Variants in PLEKHG1 observed in about 807,000 individuals in gnomAD.
PLEKHG1 encodes pleckstrin homology domain-containing family G member 1.
In PLEKHG1, 44 loss-of-function variants were observed where a neutral mutation model predicts 100.8. The ratio of observed to expected loss-of-function variants is 0.44; its 90% CI spans 0.34 to 0.56. The LOEUF (loss-of-function observed/expected upper bound fraction) is 0.56, where lower values mean the gene tolerates loss of function less well. Ranked by LOEUF, PLEKHG1 falls within the 20% of genes least tolerant of loss-of-function variation. The pLI, the probability that PLEKHG1 is intolerant of heterozygous loss-of-function variation, is 0.01. For synonymous variants in PLEKHG1, 640 were observed against 662.5 expected (o/e 0.97, Z 0.52); for missense variants, 1,545 against 1,720.9 (o/e 0.90, Z 1.81).
At chr6:150,779,020 G>A (rs1040323117) in intron 3 of PLEKHG1, among the ~76,000 whole-genome samples, 2 of 152,170 alleles carry the variant, frequency 1.3e-5, no homozygotes, top group African/African-American at 4.8e-5. Flanking sequence ...GAGAGTGCAG[G>A]ACTGGGATTC....
At chr6:150,764,580 G>A (rs534921481) in intron 2 of PLEKHG1, among the ~76,000 whole-genome samples, 3 of 152,300 alleles carry the variant, frequency 2.0e-5, no homozygotes, top group East Asian at 3.9e-4. Context: ...GTGTTTAGGC[G>A]CACGCCCTGC....
intron 7 of PLEKHG1, among the ~76,000 whole-genome samples, chr6:150,805,217 G>T (rs1247892231): frequency 6.6e-6 from 1 of 152,194 alleles, no homozygotes; most frequent in Non-Finnish European, 1.5e-5. Context: ...TTACAGGCAT[G>T]AGCCACCACA....
At chr6:150,820,231 A>T (rs898831715) in intron 12 of PLEKHG1, among the ~76,000 whole-genome samples, 2 of 151,852 alleles carry the variant, frequency 1.3e-5, no homozygotes, top group Admixed American at 6.6e-5. Context: ...CCTCTTTTCT[A>T]CTTAATGTTT....
At chr6:150,654,861 CA>C (rs1329094184) in intron 3 of PLEKHG1, among the ~76,000 whole-genome samples, 1 of 152,314 alleles carries the variant, frequency 6.6e-6, no homozygotes, top group Middle Eastern at 3.4e-3. Flanking sequence ...TATAACCATC[CA>C]GGGGGATTCT....
rs184183530 is a variant in PLEKHG1 at position 150,819,501 on chromosome 6, G to A, written c.1313-178G>A. On this transcript the variant is annotated intron_variant, in intron 11 of 15. Transcript: ENST00000358517. ...AATCACTTGAACTTGGGAGGTGGAG[G>A]TCAGCAGTGAGCCGAGATCATGCCA... 3.6e-3 allele frequency among the ~76,000 whole-genome samples: 544 copies of A among 152,062 alleles called. 5 individuals are homozygous for A. The highest frequency in any genetic ancestry group is 0.012 in the African/African-American group (517 of 41,470).
intron 3 of PLEKHG1, among the ~76,000 whole-genome samples, chr6:150,712,701 A>T (rs1199818604): frequency 6.6e-6 from 1 of 152,206 alleles, no homozygotes; most frequent in African/African-American, 2.4e-5. Flanking sequence ...GGAATTAGGC[A>T]AGTGTTTAGA....
At chr6:150,758,983 G>T (rs1784002973) in intron 2 of PLEKHG1, among the ~76,000 whole-genome samples, 1 of 152,234 alleles carries the variant, frequency 6.6e-6, no homozygotes, top group South Asian at 2.1e-4. Flanking sequence ...GGTGCTCAGA[G>T]AGCTGATCGA....
At chr6:150,734,144 AAAAG>A in intron 2 of PLEKHG1, 52 bp downstream of exon 3, 1 of 1,545,704 alleles carries the variant, frequency 6.5e-7, no homozygotes, top group Non-Finnish European at 8.8e-7. Flanking sequence ...ATATGCTTGC[AAAAG>A]AAATGACAAA....
chr6:150,609,224 T>C (rs987138085), intron 1 of PLEKHG1, among the ~76,000 whole-genome samples: 2 of 152,214 alleles, frequency 1.3e-5, no homozygotes, highest in African/African-American at 2.4e-5. Context: ...AGATTCAATG[T>C]TGAACAAAAC....
At chr6:150,744,756 C>T (rs779798740) in intron 2 of PLEKHG1, among the ~76,000 whole-genome samples, 70 of 152,280 alleles carry the variant, frequency 4.6e-4, no homozygotes, top group Non-Finnish European at 9.1e-4. Context: ...GGCAAGGTCA[C>T]CTTTGAATTC....
chr6:150,609,926 G>C (rs139829034), intron 1 of PLEKHG1, among the ~76,000 whole-genome samples: 98 of 152,214 alleles, frequency 6.4e-4, no homozygotes, highest in African/African-American at 2.2e-3. Flanking sequence ...CGTTTCCCAC[G>C]TCCAGCATCC....
intron 2 of PLEKHG1, among the ~76,000 whole-genome samples, chr6:150,750,293 GA>G (rs1783431124): frequency 6.6e-6 from 1 of 152,200 alleles, no homozygotes; most frequent in South Asian, 2.1e-4. Context: ...TGAAAACTAG[GA>G]ATCTTTCTAA....
chr6:150,755,116 C>T (rs1583061943), intron 2 of PLEKHG1, among the ~76,000 whole-genome samples: 1 of 152,254 alleles, frequency 6.6e-6, no homozygotes, highest in African/African-American at 2.4e-5. Context: ...GCTGGGACTA[C>T]AGATACATGG....
At chr6:150,807,254 A>G (rs1357837899) in intron 7 of PLEKHG1, among the ~76,000 whole-genome samples, 1 of 152,194 alleles carries the variant, frequency 6.6e-6, no homozygotes, top group African/African-American at 2.4e-5. Context: ...GGTCAATACT[A>G]TCCCCAGTTC....
Position 150,741,067 on chromosome 6 carries a change from C to A in PLEKHG1, c.411+6975C>A, listed in dbSNP as rs190318778. Among the ~76,000 whole-genome samples the A allele has an allele frequency of 1.5e-3, 233 of 152,316 alleles. No individual in the cohort carries two copies. In the Middle Eastern group the frequency reaches 0.024, roughly 16 times the overall value. On this transcript the variant is annotated intron_variant, in intron 2 of 15. Transcript: ENST00000358517. ...GCAACAGTGAGTGATTTTGAGTGTT[C>A]ATATCTTCATACTGCAACCTGATCT...
intron 2 of PLEKHG1, among the ~76,000 whole-genome samples, chr6:150,739,670 A>C (rs56980620): frequency 0.19 from 29,019 of 151,568 alleles, 3,385 homozygotes; most frequent in Non-Finnish European, 0.27. Flanking sequence ...TCTGTCAAAA[A>C]AAAAAACAAA....
intron 3 of PLEKHG1, among the ~76,000 whole-genome samples, chr6:150,659,194 C>T (rs1347745913): frequency 6.6e-6 from 1 of 152,192 alleles, no homozygotes; most frequent in Non-Finnish European, 1.5e-5. Context: ...TTCAGTCCAC[C>T]AGGCTGGTCT....
chr6:150,625,909 A>G (rs1467146427), intron 1 of PLEKHG1: 4 of 152,210 alleles, frequency 2.6e-5, no homozygotes, highest in Admixed American at 6.5e-5. Context: ...TGACAGACAC[A>G]ACTGGATATT....
chr6:150,674,118 C>T (rs1779662603), intron 3 of PLEKHG1, among the ~76,000 whole-genome samples: 3 of 152,116 alleles, frequency 2.0e-5, no homozygotes, highest in Admixed American at 2.0e-4. Flanking sequence ...GTTTATTAAT[C>T]CCAGCTCCTC....
Sources: gnomAD v4.1 joint callset for allele counts (sites outside exome capture counted in the v4.1 genomes callset) on GRCh38, gnomAD v4.1.1 for gene constraint, MANE v1.5 for transcripts, NCBI Gene and HGNC (gene_info 2026-07-23, HGNC 2026-07-21) for gene names.